The following BCAS3 variants were observed in gnomAD, a reference collection of about 807,000 sequenced individuals.
BCAS3 encodes BCAS4/BCAS3 fusion.
In BCAS3, 53 loss-of-function variants were observed where a neutral mutation model predicts 116.1. The ratio of observed to expected loss-of-function variants is 0.46; its 90% CI spans 0.37 to 0.57. BCAS3 has a LOEUF of 0.57. Ranked by LOEUF, BCAS3 falls within the 20% of genes least tolerant of loss-of-function variation. The pLI is 0.00. For synonymous variants in BCAS3, 391 were observed against 408.2 expected (o/e 0.96, Z 0.51); for missense variants, 917 against 1,165.4 (o/e 0.79, Z 3.10).
In BCAS3 at chr17:60,995,124, C is replaced by A. The variant is rs903224699; in HGVS notation, c.1486+4889C>A. 6.6e-6 allele frequency among the ~76,000 whole-genome samples: 1 copy of A among 152,028 alleles called. No individual in the cohort carries two copies. The highest frequency in any genetic ancestry group is 2.4e-5 in the African/African-American group (1 of 41,394). On this transcript the variant is annotated intron_variant, in intron 15 of 23. Coordinates refer to ENST00000407086, the MANE Select transcript of BCAS3 (RefSeq NM_017679.5). The surrounding 1 kb of genome is among the most constrained non-coding windows in gnomAD (Gnocchi z 4.7). Reference sequence around the variant, plus strand: ...TCCTGAGTAGCTGGGATTACAGGTGCGTGCCACCATGCCCAGCTAATTCTA... The same window carrying A: ...TCCTGAGTAGCTGGGATTACAGGTGAGTGCCACCATGCCCAGCTAATTCTA...
At chr17:61,089,509 C>CTTTTTTTTTTTTTTTTTTTTTTTTTTT (rs71370187) in intron 22 of BCAS3, among the ~76,000 whole-genome samples, 2 of 26,722 alleles carry the variant, frequency 7.5e-5, no homozygotes, top group African/African-American at 1.7e-4. Flanking sequence ...GAGTTTCACT[C>CTTTTTTTTTTTTTTTTTTTTTTTTTTT]TTTTTTTTTT....
In BCAS3 at chr17:60,999,131, T is replaced by C. The variant is rs545098018; in HGVS notation, c.1486+8896T>C. ...TTTGTCGAAGAATATCAGGTGGTTG[T>C]AGGAGTGCAGCTTTATTTCAGAGTT... On this transcript the variant is annotated intron_variant, in intron 15 of 23. Transcript: ENST00000407086. Among the ~76,000 whole-genome samples the C allele has an allele frequency of 4.6e-5, 7 of 152,320 alleles. No individual in the cohort carries two copies. The South Asian group carries it at 1.4e-3, about 32-fold the overall frequency.
At chr17:60,904,382 C>T (rs971764264) in intron 11 of BCAS3, among the ~76,000 whole-genome samples, 5 of 151,468 alleles carry the variant, frequency 3.3e-5, no homozygotes, top group Non-Finnish European at 7.4e-5. Flanking sequence ...CCAGCCTGGG[C>T]GACACAGCGA....
At chr17:60,811,376 C>T in intron 7 of BCAS3, 1 of 621,298 alleles carries the variant, frequency 1.6e-6, no homozygotes, top group Non-Finnish European at 3.0e-6. Flanking sequence ...CAACTCCAGG[C>T]AAACCATCCA....
chr17:60,980,332 T>C (rs1209229453), intron 14 of BCAS3, among the ~76,000 whole-genome samples: 1 of 152,162 alleles, frequency 6.6e-6, no homozygotes, highest in Non-Finnish European at 1.5e-5. Context: ...TTCTTTTCGG[T>C]ATGAAGTGGT....
chr17:60,953,827 G>A (rs546435882), intron 14 of BCAS3, among the ~76,000 whole-genome samples: 6 of 149,576 alleles, frequency 4.0e-5, no homozygotes, highest in Non-Finnish European at 5.9e-5. Flanking sequence ...TCTGCCTCCC[G>A]AGTTCAGGCG....
At chr17:61,039,472 G>GA (rs2145616302) in intron 18 of BCAS3, among the ~76,000 whole-genome samples, 1 of 152,000 alleles carries the variant, frequency 6.6e-6, no homozygotes, top group African/African-American at 2.4e-5. Context: ...ACCTAGGCTG[G>GA]AGTGCAGTGG....
At chr17:60,776,171 A>G (rs545922533) in intron 6 of BCAS3, among the ~76,000 whole-genome samples, 1 of 152,278 alleles carries the variant, frequency 6.6e-6, no homozygotes, top group South Asian at 2.1e-4. Flanking sequence ...ACAGTTTGTT[A>G]ATGTTTTAAA....
intron 22 of BCAS3, among the ~76,000 whole-genome samples, chr17:61,187,622 CTT>C (rs1453990957): frequency 6.6e-6 from 1 of 152,172 alleles, no homozygotes; most frequent in Non-Finnish European, 1.5e-5. Context: ...TTATTGATGA[CTT>C]TGCTCATTGG....
intron 5 of BCAS3, among the ~76,000 whole-genome samples, chr17:60,720,797 G>A: frequency 6.6e-6 from 1 of 152,308 alleles, no homozygotes; most frequent in South Asian, 2.1e-4. Flanking sequence ...AGGGACTTAA[G>A]CATTGGAGGT....
chr17:61,042,173 A>G (rs1259148438), intron 19 of BCAS3, among the ~76,000 whole-genome samples: 3 of 152,066 alleles, frequency 2.0e-5, no homozygotes, highest in African/African-American at 7.2e-5. Flanking sequence ...GGAAAAATAC[A>G]TGACATGAAT....
intron 19 of BCAS3, among the ~76,000 whole-genome samples, chr17:61,057,417 A>T (rs1271724450): frequency 2.6e-5 from 4 of 152,224 alleles, no homozygotes; most frequent in Non-Finnish European, 2.9e-5. Flanking sequence ...TACTTAGGAA[A>T]CAGGAAATCC....
At chr17:60,775,212 G>GT (rs893704670) in intron 6 of BCAS3, among the ~76,000 whole-genome samples, 13 of 151,810 alleles carry the variant, frequency 8.6e-5, no homozygotes, top group African/African-American at 2.9e-4. Context: ...TAATTGTGGG[G>GT]TTTTTTTTCT....
chr17:60,974,983 TTTTTTTTGCTTTTTTG>T (rs2062211727), intron 14 of BCAS3, among the ~76,000 whole-genome samples: 1 of 137,848 alleles, frequency 7.3e-6, no homozygotes, highest in African/African-American at 3.5e-5. Flanking sequence ...GTTTTTTTTG[TTTTTTTTGCTTTTTTG>T]TTTTTTTTTT....
chr17:61,062,412 T>C (rs1277198060), intron 19 of BCAS3, among the ~76,000 whole-genome samples: 1 of 152,184 alleles, frequency 6.6e-6, no homozygotes, highest in Non-Finnish European at 1.5e-5. Context: ...ACAACAGTTG[T>C]TATTCACAAG....
intron 16 of BCAS3, chr17:61,027,261 A>G (rs1342888053): frequency 4.5e-6 from 2 of 439,714 alleles, no homozygotes; most frequent in Non-Finnish European, 8.4e-6. Flanking sequence ...CATATCATGC[A>G]TAGCATTTGA....
chr17:60,945,750 A>T (rs1477235117), intron 13 of BCAS3, among the ~76,000 whole-genome samples: 2 of 151,740 alleles, frequency 1.3e-5, no homozygotes, highest in African/African-American at 4.8e-5. Flanking sequence ...GCAGTGAGCC[A>T]AGAATGCACT....
At chr17:61,061,340 CA>C (rs978060233) in intron 19 of BCAS3, among the ~76,000 whole-genome samples, 46 of 151,290 alleles carry the variant, frequency 3.0e-4, no homozygotes, top group East Asian at 2.9e-3. Context: ...TAAGTCTTTG[CA>C]AAAAAAAATT....
At chr17:60,734,858 G>A (rs1170179429) in intron 5 of BCAS3, among the ~76,000 whole-genome samples, 1 of 152,178 alleles carries the variant, frequency 6.6e-6, no homozygotes, top group Non-Finnish European at 1.5e-5. Flanking sequence ...GATAGCTACA[G>A]AATAACTTGC....
Sources: gnomAD v4.1 joint callset for allele counts (sites outside exome capture counted in the v4.1 genomes callset) on GRCh38, gnomAD v4.1.1 for gene constraint, Gnocchi (gnomAD v3.1) non-coding constraint, MANE v1.5 for transcripts, NCBI Gene and HGNC (gene_info 2026-07-23, HGNC 2026-07-21) for gene names.